FBXO11: variants seen among roughly 807,000 people sequenced by gnomAD.
FBXO11 encodes the protein F-box protein 11.
A neutral mutation model predicts 117.0 loss-of-function variants in FBXO11; 13 were observed. The observed-to-expected ratio is 0.11, with a 90% confidence interval of 0.07 to 0.18. The LOEUF (loss-of-function observed/expected upper bound fraction) is 0.18, where lower values mean the gene tolerates loss of function less well. Among genes scored for constraint, FBXO11 ranks in the 10% least tolerant of loss-of-function variants. The pLI, the probability that FBXO11 is intolerant of heterozygous loss-of-function variation, is 1.00. For synonymous variants in FBXO11, 490 were observed against 380.5 expected, an observed-to-expected ratio of 1.29 and a Z score of -3.35; for missense variants, 767 against 1,164.4, an observed-to-expected ratio of 0.66 and a Z score of 4.97.
chr2:47,891,691 T>G (rs1009178462), intron 1 of FBXO11, among the ~76,000 whole-genome samples: 2 of 152,216 alleles, frequency 1.3e-5, no homozygotes, highest in African/African-American at 4.8e-5. Flanking sequence ...TTTGAGGACC[T>G]CCACACTGTT....
At chr2:47,849,925 T>C (rs1673729102) in intron 1 of FBXO11, among the ~76,000 whole-genome samples, 1 of 152,118 alleles carries the variant, frequency 6.6e-6, no homozygotes, top group Non-Finnish European at 1.5e-5. Context: ...AAAAACAAAA[T>C]ATGGTCACTG....
chr2:47,809,959 T>C (rs1321964676), intron 19 of FBXO11: 5 of 500,784 alleles, frequency 1.0e-5, no homozygotes, highest in South Asian at 3.1e-5. Context: ...ATACTTGGAT[T>C]TCATTTGCAT....
At chr2:47,892,186 G>GTTTT (rs1677304273) in intron 1 of FBXO11, among the ~76,000 whole-genome samples, 1 of 151,982 alleles carries the variant, frequency 6.6e-6, no homozygotes, top group South Asian at 2.1e-4. Context: ...TGAAATCACT[G>GTTTT]CCAAAGACAA....
At chr2:47,832,519 G>C (rs1672269979) in intron 10 of FBXO11, 33 bp from the exon 11 acceptor site, 3 of 1,609,620 alleles carry the variant, frequency 1.9e-6, no homozygotes, top group South Asian at 2.2e-5. Flanking sequence ...AACATCAGTA[G>C]AGCTTTTAAA....
chr2:47,903,642 G>C (rs1678492878), intron 1 of FBXO11, among the ~76,000 whole-genome samples: 3 of 152,114 alleles, frequency 2.0e-5, no homozygotes, highest in Non-Finnish European at 4.4e-5. Flanking sequence ...AATACACAAG[G>C]AGACTAAATT....
chr2:47,847,451 G>A (rs145959622), intron 1 of FBXO11, among the ~76,000 whole-genome samples: 28 of 152,328 alleles, frequency 1.8e-4, no homozygotes, highest in Admixed American at 8.5e-4. Flanking sequence ...GCTCACGCCT[G>A]TAATCCCAGC....
chr2:47,823,035 T>C lies in FBXO11; in HGVS notation c.1616+108A>G, dbSNP rs373094466. 54 of 672,166 alleles carry C rather than the reference T, an allele frequency of 8.0e-5. No homozygotes were observed. The African/African-American group carries it at 8.7e-4, about 11-fold the overall frequency. 41.6% of individuals were successfully genotyped at this position (672,166 alleles called of 1,614,324 possible). A position where few individuals can be genotyped will look rare whatever the true frequency, so the allele number is the denominator to read the frequency against. ...TTAACTAGGAAAATCTATTTTATAG[T>C]AGTCAAATGTCTAACAAAAACTTTC... On this transcript the variant is annotated intron_variant, in intron 12 of 22. Transcript: ENST00000403359.
Position 47,807,092 on chromosome 2 carries a change from C to T in FBXO11, c.*1026G>A, listed in dbSNP as rs1386670274. The T allele has an allele frequency of 5.8e-6, 3 of 516,174 alleles. No individual in the cohort carries two copies. Among genetic ancestry groups the T allele is most frequent in the Non-Finnish European group, 1.0e-5 (3 of 291,546 alleles). The allele number at this position is 516,174 out of a possible 1,614,324, so 32.0% of individuals were successfully genotyped here. A position where few individuals can be genotyped will look rare whatever the true frequency, so the allele number is the denominator to read the frequency against. On this transcript the variant is annotated 3_prime_UTR_variant, in exon 23 of 23. Transcript: ENST00000403359. ...CATACACTTTCAGGCTGTTTTATAC[C>T]CACTGTCACCAATACACATAAATGG...
chr2:47,816,220 T>C (rs1670994274), intron 16 of FBXO11, among the ~76,000 whole-genome samples: 2 of 152,122 alleles, frequency 1.3e-5, no homozygotes, highest in African/African-American at 4.8e-5. Context: ...CACTCAGTCA[T>C]CCAGGCTGGA....
At chr2:47,871,628 C>T (rs1675631439) in intron 1 of FBXO11, among the ~76,000 whole-genome samples, 1 of 152,166 alleles carries the variant, frequency 6.6e-6, no homozygotes, top group South Asian at 2.1e-4. Flanking sequence ...ATTCCATAAA[C>T]CGCCTATTTA....
chr2:47,872,910 T>A (rs993041743), intron 1 of FBXO11, among the ~76,000 whole-genome samples: 5 of 152,182 alleles, frequency 3.3e-5, no homozygotes, highest in Non-Finnish European at 7.4e-5. Context: ...TAAAGGGACA[T>A]TTAACATTTT....
At position 47,831,977 on chromosome 2, in the gene FBXO11, A is replaced by G. The variant is rs183788941; in HGVS notation, c.1398+372T>C. 1.8e-3 allele frequency among the ~76,000 whole-genome samples: 276 copies of G among 152,178 alleles called. 2 individuals carry two copies. The highest frequency in any genetic ancestry group is 6.1e-3 in the African/African-American group (253 of 41,538). ...TTCACTTATGTTGTTTATTAAAAAT[A>G]CATATTCTAAGCCCCATCCTTGGAA... On this transcript the variant is annotated intron_variant, in intron 11 of 22. Coordinates refer to ENST00000403359, the MANE Select transcript of FBXO11 (RefSeq NM_001190274.2).
chr2:47,897,612 A>C (rs572719048), intron 1 of FBXO11, among the ~76,000 whole-genome samples: 1 of 150,084 alleles, frequency 6.7e-6, no homozygotes, highest in South Asian at 2.1e-4. Flanking sequence ...CAGGAGAATC[A>C]CTTGAACTCA....
intron 16 of FBXO11, 97 bp from the exon 17 acceptor site, chr2:47,813,964 CTTAG>C (rs1670819876): frequency 1.1e-6 from 1 of 915,298 alleles, no homozygotes. Context: ...ACATAAGTCA[CTTAG>C]TAAGAATTAA....
chr2:47,853,291 C>T (rs937721550), intron 1 of FBXO11, among the ~76,000 whole-genome samples: 4 of 151,900 alleles, frequency 2.6e-5, no homozygotes, highest in Admixed American at 6.6e-5. Flanking sequence ...AGGCTGGTCT[C>T]GAACTTCTGA....
At chr2:47,819,472 C>T (rs1671229782) in intron 14 of FBXO11, among the ~76,000 whole-genome samples, 1 of 152,158 alleles carries the variant, frequency 6.6e-6, no homozygotes, top group Admixed American at 6.5e-5. Context: ...CGTTGGCCTC[C>T]CAAAGTGCTG....
At chr2:47,862,646 A>G (rs185198381) in intron 1 of FBXO11, among the ~76,000 whole-genome samples, 13 of 152,252 alleles carry the variant, frequency 8.5e-5, no homozygotes, top group African/African-American at 2.9e-4. Flanking sequence ...CACAATGTAT[A>G]ATTCTCTCTC....
intron 1 of FBXO11, among the ~76,000 whole-genome samples, chr2:47,883,215 G>GT (rs1334013737): frequency 1.3e-5 from 2 of 152,016 alleles, no homozygotes; most frequent in South Asian, 2.1e-4. Flanking sequence ...TTTATTTTGC[G>GT]TAACAGAATA....
chr2:47,808,880 A>G (rs898814282), intron 21 of FBXO11: 3 of 309,402 alleles, frequency 9.7e-6, no homozygotes, highest in African/African-American at 6.5e-5. Flanking sequence ...TTTGTTTTGT[A>G]GAGACAGGGT....
Sources: gnomAD v4.1 joint callset for allele counts (sites outside exome capture counted in the v4.1 genomes callset) on GRCh38, gnomAD v4.1.1 for gene constraint, MANE v1.5 for transcripts, NCBI Gene and HGNC (gene_info 2026-07-23, HGNC 2026-07-21) for gene names.